The following PPM1L variants were observed in gnomAD, a reference collection of about 807,000 sequenced individuals.
PPM1L encodes the protein protein phosphatase, Mg2+/Mn2+ dependent 1L.
A neutral mutation model predicts 31.4 loss-of-function variants in PPM1L; 13 were observed. The ratio of observed to expected loss-of-function variants is 0.41; its 90% CI spans 0.27 to 0.66. The LOEUF is 0.66. Ranked by LOEUF, PPM1L falls within the 30% of genes least tolerant of loss-of-function variation. The pLI, the probability that PPM1L is intolerant of heterozygous loss-of-function variation, is 0.29. For synonymous variants in PPM1L, 184 were observed against 175.4 expected, an observed-to-expected ratio of 1.05 and a Z score of -0.39; for missense variants, 326 against 453.7, an observed-to-expected ratio of 0.72 and a Z score of 2.56.
chr3:161,027,111 G>A (rs1718423198), intron 2 of PPM1L, among the ~76,000 whole-genome samples: 1 of 152,186 alleles, frequency 6.6e-6, no homozygotes, highest in South Asian at 2.1e-4. Context: ...GCTAACTGAT[G>A]TTAATCACTC....
At chr3:160,824,095 A>G (rs1223521766) in intron 1 of PPM1L, among the ~76,000 whole-genome samples, 1 of 152,176 alleles carries the variant, frequency 6.6e-6, no homozygotes, top group Non-Finnish European at 1.5e-5. Context: ...CCAACCCCCA[A>G]GGTCACGGTA....
At chr3:161,031,727 A>C (rs1299248914) in intron 2 of PPM1L, among the ~76,000 whole-genome samples, 4 of 151,898 alleles carry the variant, frequency 2.6e-5, no homozygotes, top group African/African-American at 9.7e-5. Context: ...GCTGGTCTCA[A>C]ACTCCTGGGC....
At chr3:161,007,350 G>A (rs993541588) in intron 2 of PPM1L, among the ~76,000 whole-genome samples, 1 of 152,202 alleles carries the variant, frequency 6.6e-6, no homozygotes, top group Non-Finnish European at 1.5e-5. Context: ...GGACCATGAA[G>A]GTGGATATCC....
At chr3:160,792,563 A>T (rs571379266) in intron 1 of PPM1L, among the ~76,000 whole-genome samples, 1 of 152,194 alleles carries the variant, frequency 6.6e-6, no homozygotes, top group African/African-American at 2.4e-5. Flanking sequence ...TATTAACTAA[A>T]GTCCATACTT....
intron 2 of PPM1L, among the ~76,000 whole-genome samples, chr3:161,011,209 G>C (rs1576781672): frequency 6.6e-6 from 1 of 152,192 alleles, no homozygotes; most frequent in African/African-American, 2.4e-5. Flanking sequence ...TGTAAGGAAG[G>C]TATCCAGTTT....
chr3:160,846,893 A>G (rs1321086467), intron 1 of PPM1L, among the ~76,000 whole-genome samples: 2 of 152,094 alleles, frequency 1.3e-5, no homozygotes, highest in African/African-American at 4.8e-5. Flanking sequence ...TTTTATGTGT[A>G]GCTTACTTCA....
At chr3:160,964,989 C>T (rs937164059) in intron 2 of PPM1L, among the ~76,000 whole-genome samples, 7 of 152,004 alleles carry the variant, frequency 4.6e-5, no homozygotes, top group Admixed American at 6.6e-5. Context: ...CAGCGGCTCA[C>T]GCCTGTAATC....
At chr3:160,948,144 C>T (rs1247138842) in intron 1 of PPM1L, among the ~76,000 whole-genome samples, 1 of 152,080 alleles carries the variant, frequency 6.6e-6, no homozygotes, top group Non-Finnish European at 1.5e-5. Context: ...GACTGCCCGT[C>T]CAGCTATTTT....
chr3:160,765,208 G>A (rs551583869), intron 1 of PPM1L, among the ~76,000 whole-genome samples: 1 of 152,286 alleles, frequency 6.6e-6, no homozygotes, highest in Admixed American at 6.5e-5. Context: ...TTTGCCCATG[G>A]TCTCTCACAG....
chr3:160,930,619 A>G (rs996578181), intron 1 of PPM1L, among the ~76,000 whole-genome samples: 1 of 152,234 alleles, frequency 6.6e-6, no homozygotes, highest in African/African-American at 2.4e-5. Context: ...TCAAATGCCA[A>G]CAGAAGACAT....
chr3:160,868,575 G>A (rs1471130834), intron 1 of PPM1L, among the ~76,000 whole-genome samples: 1 of 152,182 alleles, frequency 6.6e-6, no homozygotes, highest in Non-Finnish European at 1.5e-5. Flanking sequence ...TTCAATAAAA[G>A]TTTGGGGGCT....
At chr3:161,028,712 T>C (rs1003147722) in intron 2 of PPM1L, among the ~76,000 whole-genome samples, 2 of 152,140 alleles carry the variant, frequency 1.3e-5, no homozygotes, top group Non-Finnish European at 2.9e-5. Flanking sequence ...CTGGGATACA[T>C]GACACCAACA....
At chr3:160,780,654 G>A (rs368376067) in intron 1 of PPM1L, among the ~76,000 whole-genome samples, 44 of 152,230 alleles carry the variant, frequency 2.9e-4, no homozygotes, top group African/African-American at 9.6e-4. Context: ...GATTCCTTTC[G>A]AACTCTATAT....
chr3:160,982,214 A>G (rs982554392), intron 2 of PPM1L, among the ~76,000 whole-genome samples: 3 of 152,292 alleles, frequency 2.0e-5, no homozygotes, highest in East Asian at 3.9e-4. Context: ...TCCAGGGTCA[A>G]TGCCTTTGAT....
In PPM1L at chr3:160,840,774, A is replaced by AAGAG. The variant is rs1319429429; in HGVS notation, c.399+84078_399+84081dup. ...AGAGAAAGAAGGAGAGAGAGAGAGA[A>AAGAG]AGAGAGAGAGAGAGGAGAGAGAGAG... On this transcript the variant is annotated intron_variant, in intron 1 of 3. Transcript: ENST00000498165. Among the ~76,000 whole-genome samples, 22 of 134,934 alleles carry AAGAG rather than the reference A, an allele frequency of 1.6e-4. No individual in the cohort carries two copies. In the South Asian group the frequency reaches 5.4e-3, roughly 33 times the overall value. 88.5% of individuals were successfully genotyped at this position (134,934 alleles called of 152,430 possible).
intron 2 of PPM1L, among the ~76,000 whole-genome samples, chr3:161,010,665 C>G (rs1417690827): frequency 6.6e-6 from 1 of 152,202 alleles, no homozygotes; most frequent in Non-Finnish European, 1.5e-5. Flanking sequence ...TCCTATTTCT[C>G]CACATCCTCT....
intron 1 of PPM1L, among the ~76,000 whole-genome samples, chr3:160,893,137 G>T (rs1045518059): frequency 2.6e-5 from 4 of 152,180 alleles, no homozygotes; most frequent in African/African-American, 9.7e-5. Context: ...TTAACTTCCT[G>T]ATGAAGAACC....
At chr3:161,015,967 A>G (rs1487450194) in intron 2 of PPM1L, among the ~76,000 whole-genome samples, 4 of 152,168 alleles carry the variant, frequency 2.6e-5, no homozygotes, top group Non-Finnish European at 4.4e-5. Flanking sequence ...AGCCCTTGAG[A>G]AATCCCATGG....
At chr3:160,789,170 T>C (rs988929844) in intron 1 of PPM1L, among the ~76,000 whole-genome samples, 1 of 151,946 alleles carries the variant, frequency 6.6e-6, no homozygotes, top group African/African-American at 2.4e-5. Flanking sequence ...CTTAAAGTTC[T>C]TCATATAGAT....
Sources: allele counts gnomAD v4.1 joint callset (sites outside exome capture counted in the v4.1 genomes callset), GRCh38; gene constraint gnomAD v4.1.1; transcripts MANE v1.5; gene names NCBI Gene and HGNC (gene_info 2026-07-23, HGNC 2026-07-21).